The following PARP16 variants were observed in gnomAD, a reference collection of about 807,000 sequenced individuals.
The protein encoded by PARP16 is protein mono-ADP-ribosyltransferase PARP16.
In PARP16, 31 loss-of-function variants were observed where a neutral mutation model predicts 35.0. The observed-to-expected ratio is 0.88, with a 90% CI of 0.66 to 1.19. The LOEUF (loss-of-function observed/expected upper bound fraction) is 1.19, where lower values mean the gene tolerates loss of function less well. Ranked by LOEUF, PARP16 falls within the 50% of genes most tolerant of loss-of-function variation. PARP16 has a pLI of 0.00. For missense variants in PARP16, 424 were observed against 411.2 expected, an observed-to-expected ratio of 1.03 and a Z score of -0.27; for synonymous variants, 162 against 169.5, an observed-to-expected ratio of 0.96 and a Z score of 0.34.
intron 1 of PARP16, among the ~76,000 whole-genome samples, chr15:65,273,731 C>T (rs1243806313): frequency 6.6e-6 from 1 of 151,812 alleles, no homozygotes; most frequent in African/African-American, 2.4e-5. Context: ...ACAAAATTAG[C>T]CGGGCGTAGT....
chr15:65,236,129 G>A (rs1595974158), intron 3 of PARP16, among the ~76,000 whole-genome samples: 1 of 152,190 alleles, frequency 6.6e-6, no homozygotes, highest in East Asian at 2.0e-4. Flanking sequence ...AAAGTGCTGG[G>A]ATTACAGGCG....
downstream of PARP16, among the ~76,000 whole-genome samples, chr15:65,254,578 G>A (rs1423094222): frequency 6.6e-6 from 1 of 152,124 alleles, no homozygotes; most frequent in African/African-American, 2.4e-5. Context: ...AGAGACAAGT[G>A]GGGGCTGTGG....
chr15:65,262,204 A>T (rs1162462850), intron 4 of PARP16, among the ~76,000 whole-genome samples: 3 of 142,970 alleles, frequency 2.1e-5, no homozygotes, highest in African/African-American at 7.9e-5. Context: ...ATGATGTTGG[A>T]TTACTGCAAC....
intron 1 of PARP16, 43 bp from the exon 2 acceptor site, chr15:65,271,115 C>T: frequency 6.2e-7 from 1 of 1,607,986 alleles, no homozygotes; most frequent in Non-Finnish European, 8.5e-7. Flanking sequence ...ATCCCGGACA[C>T]AGTGATAATC....
intron 4 of PARP16, among the ~76,000 whole-genome samples, chr15:65,261,844 A>G (rs1389626549): frequency 6.6e-6 from 1 of 152,194 alleles, no homozygotes; most frequent in African/African-American, 2.4e-5. Flanking sequence ...TTGTTTTAAA[A>G]CAAACAAACA....
chr15:65,286,314 G>T lies in PARP16; in HGVS notation c.113C>A (p.Ser38Ter). 1 of 1,604,174 alleles carries T rather than the reference G, an allele frequency of 6.2e-7. No homozygotes were observed. Among genetic ancestry groups the T allele is most frequent in the Non-Finnish European group, 8.5e-7 (1 of 1,176,608 alleles). The part of the protein sequence containing the change: ...ASALQSYKRD[S>*]VLRPFPASYA... ...GGACGCGGGGAAGGGCCGCAGCACC[G>T]AGTCGCGCTTGTAGCTCTGCAGGGC... is the stretch of plus-strand genomic sequence containing the variant. Residue 38 changes from serine to a stop codon, truncating the protein, a stop_gained, in exon 1 of 6, where the codon TCG (serine) becomes TAG (stop). Transcript: ENST00000649807. LOFTEE classifies it high-confidence loss of function.
chr15:65,270,142 T>C (rs1380608845), intron 2 of PARP16, among the ~76,000 whole-genome samples: 1 of 152,188 alleles, frequency 6.6e-6, no homozygotes, highest in Non-Finnish European at 1.5e-5. Flanking sequence ...TAAATTGAAA[T>C]GAATTAAGTG....
intron 3 of PARP16, among the ~76,000 whole-genome samples, chr15:65,264,298 C>T (rs1479509501): frequency 6.6e-6 from 1 of 152,194 alleles, no homozygotes; most frequent in Non-Finnish European, 1.5e-5. Flanking sequence ...GGCACTTATT[C>T]CTAATGATCC....
downstream of PARP16, among the ~76,000 whole-genome samples, chr15:65,257,414 A>G (rs1484603375): frequency 6.6e-6 from 1 of 151,644 alleles, no homozygotes; most frequent in Non-Finnish European, 1.5e-5. Flanking sequence ...AGCCTAGGTG[A>G]CAGAGCGAGA....
intron 2 of PARP16, among the ~76,000 whole-genome samples, chr15:65,267,641 TA>T (rs1401021250): frequency 2.4e-5 from 3 of 126,636 alleles, no homozygotes; most frequent in South Asian, 2.5e-4. Context: ...AAATAATAAT[TA>T]AAAAAATAAG....
In PARP16 at chr15:65,286,457, G is replaced by A. The variant is rs766806266; in HGVS notation, c.-31C>T. 1.4e-6 allele frequency: 2 copies of A among 1,436,034 alleles called. No homozygotes were observed. The highest frequency in any genetic ancestry group is 1.8e-6 in the Non-Finnish European group (2 of 1,095,472). The allele number at this position is 1,436,034 out of a possible 1,614,324, so 89.0% of individuals were successfully genotyped here. A position where few individuals can be genotyped will look rare whatever the true frequency, so the allele number is the denominator to read the frequency against. On this transcript the variant is annotated 5_prime_UTR_variant, in exon 1 of 6. Transcript: ENST00000649807. ...GTCACTGCGCGTTGCCGGGGTAGACGCGCTGGTTAGGGGCAAGGGCGAGCG... is the reference window on the plus strand; with the variant it reads ...GTCACTGCGCGTTGCCGGGGTAGACACGCTGGTTAGGGGCAAGGGCGAGCG...
chr15:65,259,868 A>G (rs1349293824), intron 5 of PARP16, among the ~76,000 whole-genome samples: 1 of 152,196 alleles, frequency 6.6e-6, no homozygotes, highest in Non-Finnish European at 1.5e-5. Context: ...GTGTCTGCCC[A>G]GATGGTGGCA....
chr15:65,265,100 C>T (rs2089846898), intron 3 of PARP16, among the ~76,000 whole-genome samples: 1 of 152,220 alleles, frequency 6.6e-6, no homozygotes, highest in Admixed American at 6.5e-5. Flanking sequence ...ACGACATTAA[C>T]CAGATACACC....
intron 4 of PARP16, among the ~76,000 whole-genome samples, chr15:65,262,416 G>A (rs911914340): frequency 6.6e-6 from 1 of 152,190 alleles, no homozygotes; most frequent in Non-Finnish European, 1.5e-5. Context: ...ACAGGCGTGA[G>A]CCATACCGCA....
downstream of PARP16, among the ~76,000 whole-genome samples, chr15:65,256,496 C>T (rs2089513200): frequency 1.3e-5 from 2 of 151,166 alleles, no homozygotes; most frequent in African/African-American, 4.9e-5. Flanking sequence ...CAAGCTCCGC[C>T]TCCTGGTTTC....
chr15:65,249,758 G>A (rs1186362799), intron 2 of PARP16, among the ~76,000 whole-genome samples: 1 of 152,250 alleles, frequency 6.6e-6, no homozygotes, highest in African/African-American at 2.4e-5. Context: ...AGCTTGAGCA[G>A]GCAGTGGGGG....
Position 65,263,336 on chromosome 15 carries a change from C to A in PARP16, c.520-16G>T, listed in dbSNP as rs1195499921. ...ACAAGGATGTCTGCAACAGCAAGGC[C>A]AATGGAAAAGAAACACAGATGGTTG... On this transcript the variant is annotated splice_polypyrimidine_tract_variant and intron_variant, in intron 3 of 5. Coordinates refer to ENST00000649807, the MANE Select transcript of PARP16 (RefSeq NM_001316943.2). The A allele has an allele frequency of 2.6e-6, 4 of 1,552,074 alleles. No homozygotes were observed. The highest frequency in any genetic ancestry group is 3.5e-6 in the Non-Finnish European group (4 of 1,148,902).
intron 3 of PARP16, among the ~76,000 whole-genome samples, chr15:65,237,980 GC>G (rs1318223832): frequency 6.6e-6 from 1 of 152,044 alleles, no homozygotes; most frequent in East Asian, 1.9e-4. Context: ...CATTCACTTG[GC>G]TTTAAAATAC....
chr15:65,259,911 T>C (rs941345960), intron 5 of PARP16, among the ~76,000 whole-genome samples: 1 of 152,182 alleles, frequency 6.6e-6, no homozygotes, highest in African/African-American at 2.4e-5. Context: ...GTCTTTTCAC[T>C]TTTAGACACA....
Sources: allele counts gnomAD v4.1 joint callset (sites outside exome capture counted in the v4.1 genomes callset), GRCh38; gene constraint gnomAD v4.1.1; transcripts MANE v1.5; gene names NCBI Gene and HGNC (gene_info 2026-07-23, HGNC 2026-07-21).